Variants in RFC5 observed in about 807,000 individuals in gnomAD.
RFC5 encodes A1 36 kDa subunit.
RFC5 carries 26 observed loss-of-function variants against 44.3 expected under a neutral mutation model. The observed-to-expected ratio is 0.59, with a 90% CI of 0.43 to 0.81. The LOEUF is 0.81. Among genes scored for constraint, RFC5 ranks in the 40% least tolerant of loss-of-function variants. RFC5 has a pLI of 0.00. For missense variants in RFC5, 328 were observed against 418.6 expected (o/e 0.78, Z 1.89); for synonymous variants, 155 against 155.2 (o/e 1.00, Z 0.01).
downstream of RFC5, chr12:118,036,124 C>T (rs1420804845): frequency 9.0e-6 from 4 of 442,174 alleles, no homozygotes; most frequent in Non-Finnish European, 1.6e-5. Context: ...ATCGCTTGAA[C>T]CCGGGAGGTG....
chr12:118,021,116 G>A (rs2030456097), intron 4 of RFC5, 131 bp downstream of exon 4: 1 of 579,230 alleles, frequency 1.7e-6, no homozygotes, highest in Non-Finnish European at 3.1e-6. Context: ...AAGCAACCAT[G>A]GAAAAGAGAT....
intron 5 of RFC5, among the ~76,000 whole-genome samples, chr12:118,024,302 T>C (rs1053962494): frequency 2.7e-5 from 4 of 150,698 alleles, no homozygotes; most frequent in Non-Finnish European, 5.9e-5. Flanking sequence ...GATCGTGCCA[T>C]TGCACTCCAG....
Position 118,019,268 on chromosome 12 carries a change from T to C in RFC5, c.130+132T>C. 1 of 729,804 alleles carries C rather than the reference T, an allele frequency of 1.4e-6. No homozygotes were observed. Among genetic ancestry groups the C allele is most frequent in the East Asian group, 2.5e-5 (1 of 39,338 alleles). 45.2% of individuals were successfully genotyped at this position (729,804 alleles called of 1,614,324 possible). ...TTTGTAGAATGTGGCTTTAAGATCA[T>C]TCATTCATTTTCTTCAGGTTGCTAC... On this transcript the variant is annotated intron_variant, in intron 2 of 10. Coordinates refer to ENST00000454402, the MANE Select transcript of RFC5 (RefSeq NM_007370.7). This position sits in a 1 kb window ranked among gnomAD's most constrained non-coding sequence, Gnocchi z 4.2.
At position 118,025,782 on chromosome 12, in the gene RFC5, T is replaced by C; in HGVS notation, c.617T>C (p.Val206Ala). ...DISEDGMKALVTLSSGDMRRA... is the reference protein window; with the variant it reads ...DISEDGMKALATLSSGDMRRA... ...AGTGAAGATGGAATGAAAGCACTAG[T>C]CACTCTTTCCAGTGGAGACATGCGT... Residue 206 changes from valine (V) to alanine (A), a missense_variant, in exon 7 of 11, where the codon GTC becomes GCC. Physicochemically the swap from Val to Ala is moderately conservative, Grantham distance 64 (BLOSUM62 0). Transcript: ENST00000454402. 6.2e-7 allele frequency: 1 copy of C among 1,610,106 alleles called. No individual in the cohort carries two copies. Among genetic ancestry groups the C allele is most frequent in the Non-Finnish European group, 8.5e-7 (1 of 1,177,740 alleles).
At chr12:118,022,856 G>T (rs1248611436) in intron 5 of RFC5, among the ~76,000 whole-genome samples, 11 of 152,148 alleles carry the variant, frequency 7.2e-5, no homozygotes, top group Admixed American at 7.2e-4. Flanking sequence ...AAATCTCTAT[G>T]CCTTTCTCTG....
Position 118,017,641 on chromosome 12 carries a change from G to A in RFC5, c.65+749G>A, listed in dbSNP as rs533276874. On this transcript the variant is annotated intron_variant, in intron 1 of 10. Transcript: ENST00000454402. ...TATTGTGGTTAAAAAAAACCCAGAA[G>A]ATTGACAGTTGTAACTATTTTATGT... 32 of 1,022,228 alleles carry A rather than the reference G, an allele frequency of 3.1e-5. No homozygotes were observed. The African/African-American group carries it at 4.9e-4, about 16-fold the overall frequency. The allele number at this position is 1,022,228 out of a possible 1,614,324, so 63.3% of individuals were successfully genotyped here.
intron 9 of RFC5, 48 bp from the exon 10 acceptor site, chr12:118,029,723 T>C: frequency 1.6e-6 from 2 of 1,284,468 alleles, no homozygotes; most frequent in Non-Finnish European, 2.3e-6. Flanking sequence ...TGTGGGTTTT[T>C]TGACAGTAGA....
chr12:118,020,557 G>A (rs1312150081), intron 3 of RFC5, among the ~76,000 whole-genome samples: 1 of 152,140 alleles, frequency 6.6e-6, no homozygotes, highest in African/African-American at 2.4e-5. Context: ...TGCTACTAAT[G>A]TCCTTATTTC....
At chr12:118,041,025 G>T in the RFC5 span, among the ~76,000 whole-genome samples, 1 of 152,204 alleles carries the variant, frequency 6.6e-6, no homozygotes, top group South Asian at 2.1e-4. Context: ...CTCCAGCCTG[G>T]GTGACACAGT....
rs5745819 is a variant in RFC5 at position 118,021,241 on chromosome 12, G to A, written c.347+256G>A. Among the ~76,000 whole-genome samples, 594 of 150,388 alleles carry A rather than the reference G, an allele frequency of 3.9e-3. 1 individual carries two copies. Among genetic ancestry groups the A allele is most frequent in the South Asian group, 9.1e-3 (43 of 4,748 alleles). On this transcript the variant is annotated intron_variant, in intron 4 of 10. Coordinates refer to ENST00000454402, the MANE Select transcript of RFC5 (RefSeq NM_007370.7). ...TTCTTTTTTTTTTGGAGACAGGGTCGCCCTGTATCGTACAGGCTGGAGTGC... is the reference window on the plus strand; with the variant it reads ...TTCTTTTTTTTTTGGAGACAGGGTCACCCTGTATCGTACAGGCTGGAGTGC...
At position 118,019,329 on chromosome 12, in the gene RFC5, T is replaced by C. The variant is rs921236917; in HGVS notation, c.130+193T>C. Among the ~76,000 whole-genome samples the C allele has an allele frequency of 6.6e-6, 1 of 152,214 alleles. No individual in the cohort carries two copies. Among genetic ancestry groups the C allele is most frequent in the African/African-American group, 2.4e-5 (1 of 41,458 alleles). ...GTAAGTCACAAACATGAGCATAAAA[T>C]TGCAACACAGTGGAGTAAAAATAGC... On this transcript the variant is annotated intron_variant, in intron 2 of 10. Transcript: ENST00000454402. The surrounding 1 kb of genome is among the most constrained non-coding windows in gnomAD (Gnocchi z 4.2).
downstream of RFC5, chr12:118,033,058 T>C (rs578158454): frequency 3.9e-5 from 6 of 152,322 alleles, no homozygotes; most frequent in Admixed American, 3.9e-4. Flanking sequence ...AAGCACCGAT[T>C]AAGAAAGCTA....
At position 118,017,105 on chromosome 12, in the gene RFC5, C is replaced by T. The variant is rs56272721; in HGVS notation, c.65+213C>T. On this transcript the variant is annotated intron_variant, in intron 1 of 10. Transcript: ENST00000454402. ...TTTAGGGCTTTTGCCAGTTCTCACC[C>T]TTTCACCCCCAGCTCCATTTGCCGA... 2.0e-5 allele frequency among the ~76,000 whole-genome samples: 3 copies of T among 152,176 alleles called. No individual in the cohort carries two copies. In the East Asian group the frequency reaches 5.8e-4, roughly 29 times the overall value.
At chr12:118,034,428 A>C (rs1321859005), downstream of RFC5, 15 of 1,568,422 alleles carry the variant, frequency 9.6e-6, no homozygotes, top group Non-Finnish European at 1.1e-5. Context: ...ATGAATACTC[A>C]TGTTTCTGTT....
At position 118,031,206 on chromosome 12, in the gene RFC5, C is replaced by T. The variant is rs747252356; in HGVS notation, c.951C>T (p.Asn317=). 2.5e-5 allele frequency: 40 copies of T among 1,613,720 alleles called. No homozygotes were observed. Among genetic ancestry groups the T allele is most frequent in the Non-Finnish European group, 3.1e-5 (36 of 1,179,794 alleles). The change falls in exon 11 of 11, where the codon AAC becomes AAT. Residue 317 remains asparagine (N), a synonymous_variant. Coordinates refer to ENST00000454402, the MANE Select transcript of RFC5 (RefSeq NM_007370.7). The stretch of plus-strand genomic sequence containing the variant: ...GGTACAGGCTTTCTGTTGGCACCAA[C>T]GAGAAGATCCAGCTGAGCTCCCTCA... ...DIEYRLSVGT[N]EKIQLSSLIA...
the RFC5 span, among the ~76,000 whole-genome samples, chr12:118,040,112 A>G: frequency 3.3e-5 from 5 of 151,972 alleles, no homozygotes; most frequent in South Asian, 6.2e-4. Flanking sequence ...GGCAGAGGCT[A>G]CAATAAGCCG....
At chr12:118,035,019 G>A, downstream of RFC5, 5 of 1,614,164 alleles carry the variant, frequency 3.1e-6, no homozygotes, top group Non-Finnish European at 4.2e-6. Flanking sequence ...TGGAAAAAAT[G>A]TGCAGCAAAG....
At chr12:118,034,742 C>G (rs2031466793), downstream of RFC5, 1 of 544,482 alleles carries the variant, frequency 1.8e-6, no homozygotes, top group African/African-American at 1.9e-5. Context: ...ATTTTATTCT[C>G]CCTTGTGAAC....
At position 118,016,797 on chromosome 12, in the gene RFC5, C is replaced by T. The variant is rs778072042; in HGVS notation, c.-31C>T. On this transcript the variant is annotated 5_prime_UTR_variant, in exon 1 of 11. Coordinates refer to ENST00000454402, the MANE Select transcript of RFC5 (RefSeq NM_007370.7). ...AGGCGCTTGGGTGACGCGACGATCT[C>T]AGCGGATCTGGTCACCTTCGTCTCC... 1 of 1,594,588 alleles carries T rather than the reference C, an allele frequency of 6.3e-7. No homozygotes were observed. Among genetic ancestry groups the T allele is most frequent in the Non-Finnish European group, 8.6e-7 (1 of 1,168,782 alleles).
Sources: allele counts gnomAD v4.1 joint callset (sites outside exome capture counted in the v4.1 genomes callset), GRCh38; gene constraint gnomAD v4.1.1; non-coding constraint Gnocchi (gnomAD v3.1); transcripts MANE v1.5; gene names NCBI Gene and HGNC (gene_info 2026-07-23, HGNC 2026-07-21).